The following PDE1C variants were observed in gnomAD, a reference collection of about 807,000 sequenced individuals.
PDE1C encodes the protein dual specificity calcium/calmodulin-dependent 3',5'-cyclic nucleotide phosphodiesterase 1C.
PDE1C carries 62 observed loss-of-function variants against 93.1 expected under a neutral mutation model. The observed-to-expected ratio is 0.67, with a 90% CI of 0.54 to 0.82. PDE1C has a LOEUF of 0.82. Ranked by LOEUF, PDE1C falls within the 40% of genes least tolerant of loss-of-function variation. The pLI is 0.00. For missense variants in PDE1C, 742 were observed against 884.6 expected (o/e 0.84, Z 2.04); for synonymous variants, 325 against 310.1 (o/e 1.05, Z -0.50).
chr7:32,240,118 G>T (rs953267124), intron 1 of PDE1C, among the ~76,000 whole-genome samples: 2 of 152,198 alleles, frequency 1.3e-5, no homozygotes, highest in African/African-American at 4.8e-5. Context: ...AAAGCTGTTT[G>T]TTACGGCAGC....
intron 2 of PDE1C, among the ~76,000 whole-genome samples, chr7:31,971,449 A>G (rs1488444117): frequency 6.6e-6 from 1 of 152,140 alleles, no homozygotes; most frequent in Non-Finnish European, 1.5e-5. Context: ...TCATCAATCA[A>G]ATGATGGGAG....
At chr7:32,078,928 A>T (rs925551937) in intron 3 of PDE1C, among the ~76,000 whole-genome samples, 5 of 88,950 alleles carry the variant, frequency 5.6e-5, no homozygotes, top group South Asian at 5.1e-4. Flanking sequence ...TCACTCTCTC[A>T]AAAAAAAAAA....
intron 2 of PDE1C, among the ~76,000 whole-genome samples, chr7:32,043,168 C>A (rs1029136184): frequency 2.0e-5 from 3 of 152,134 alleles, no homozygotes; most frequent in Non-Finnish European, 2.9e-5. Flanking sequence ...GCCCCTACAG[C>A]AAAAGCATCA....
intron 2 of PDE1C, among the ~76,000 whole-genome samples, chr7:32,003,816 G>C (rs571146057): frequency 2.4e-3 from 370 of 152,298 alleles, no homozygotes; most frequent in African/African-American, 8.5e-3. Flanking sequence ...GCTACTGAAG[G>C]AAAGAAGATA....
At chr7:31,741,398 T>A in the PDE1C span, among the ~76,000 whole-genome samples, 1 of 152,202 alleles carries the variant, frequency 6.6e-6, no homozygotes, top group Non-Finnish European at 1.5e-5. Flanking sequence ...TAACTGTTCC[T>A]ATTCTAAAAT....
intron 2 of PDE1C, among the ~76,000 whole-genome samples, chr7:31,930,224 T>C (rs1804000428): frequency 6.6e-6 from 1 of 151,926 alleles, no homozygotes; most frequent in Non-Finnish European, 1.5e-5. Context: ...AGGAAGTCCC[T>C]GAATAGACCA....
chr7:31,678,900 A>C, the PDE1C span, among the ~76,000 whole-genome samples: 1 of 152,170 alleles, frequency 6.6e-6, no homozygotes, highest in Non-Finnish European at 1.5e-5. Context: ...GTGAGCCTTG[A>C]TTCTTGTTAC....
intron 3 of PDE1C, among the ~76,000 whole-genome samples, chr7:32,126,205 A>ATAGG (rs1410450668): frequency 8.2e-6 from 1 of 121,360 alleles, no homozygotes; most frequent in Non-Finnish European, 1.7e-5. Flanking sequence ...ACTATTCTAG[A>ATAGG]TAGATAGATA....
intron 1 of PDE1C, among the ~76,000 whole-genome samples, chr7:32,276,522 G>GTGGGGCTGGGTGAC (rs1361671435): frequency 1.3e-5 from 2 of 152,180 alleles, no homozygotes; most frequent in Non-Finnish European, 2.9e-5. Context: ...GGATCTAGGA[G>GTGGGGCTGGGTGAC]TGGGGCTGGG....
chr7:31,717,301 C>A, the PDE1C span, among the ~76,000 whole-genome samples: 1 of 152,170 alleles, frequency 6.6e-6, no homozygotes, highest in Admixed American at 6.5e-5. Flanking sequence ...TAAAAATTTT[C>A]AAGATCACAG....
chr7:32,008,283 T>C (rs1273357497), intron 2 of PDE1C, among the ~76,000 whole-genome samples: 1 of 152,180 alleles, frequency 6.6e-6, no homozygotes, highest in Non-Finnish European at 1.5e-5. Context: ...CTTGACTGCC[T>C]CCCATTTTCA....
chr7:31,794,109 T>TAGATAGATA (rs1784991128), intron 16 of PDE1C, among the ~76,000 whole-genome samples: 3 of 148,970 alleles, frequency 2.0e-5, no homozygotes, highest in Non-Finnish European at 3.0e-5. Context: ...GACAGATAGA[T>TAGATAGATA]GGGCAGGCGG....
At chr7:31,773,076 T>C (rs973154679) in intron 17 of PDE1C, among the ~76,000 whole-genome samples, 10 of 152,358 alleles carry the variant, frequency 6.6e-5, no homozygotes, top group South Asian at 2.1e-4. Flanking sequence ...CCTCAGGATG[T>C]GAAGCACAGC....
chr7:32,315,887 C>T lies in PDE1C; in HGVS notation c.311-106348G>A, dbSNP rs538034996. ...GTGCATATCTGTAATCCCAGGTGCTCGGGAGGCTAAGGTGGGAGAATTGCT... is the reference window on the plus strand; with the variant it reads ...GTGCATATCTGTAATCCCAGGTGCTTGGGAGGCTAAGGTGGGAGAATTGCT... On this transcript the variant is annotated intron_variant, in intron 1 of 1. Coordinates refer to the PDE1C transcript ENST00000672256. Among the ~76,000 whole-genome samples the T allele has an allele frequency of 3.3e-5, 5 of 152,182 alleles. No individual in the cohort carries two copies. In the East Asian group the frequency reaches 5.8e-4, roughly 18 times the overall value.
chr7:32,383,591 G>A (rs1329057906), intron 1 of PDE1C, among the ~76,000 whole-genome samples: 1 of 152,254 alleles, frequency 6.6e-6, no homozygotes, highest in Non-Finnish European at 1.5e-5. Context: ...CTATGTTAGA[G>A]ACAGTTGCCT....
At chr7:31,649,972 C>T in the PDE1C span, among the ~76,000 whole-genome samples, 1 of 152,110 alleles carries the variant, frequency 6.6e-6, no homozygotes, top group Non-Finnish European at 1.5e-5. Context: ...AGAGTAGGGG[C>T]TCAGTAGAGT....
chr7:31,834,156 C>T (rs184285161), intron 11 of PDE1C, among the ~76,000 whole-genome samples: 167 of 152,322 alleles, frequency 1.1e-3, no homozygotes, highest in African/African-American at 3.6e-3. Context: ...TGGGAACCTC[C>T]GCCTAGATTT....
intron 1 of PDE1C, among the ~76,000 whole-genome samples, chr7:32,058,887 A>G (rs1433931608): frequency 6.6e-6 from 1 of 152,110 alleles, no homozygotes; most frequent in Admixed American, 6.5e-5. Flanking sequence ...ATGAAATTCC[A>G]TGTGCACAAT....
In PDE1C at chr7:32,047,130, A is replaced by C. The variant is rs568821019; in HGVS notation, c.128+4424T>G. Among the ~76,000 whole-genome samples, 17 of 151,526 alleles carry C rather than the reference A, an allele frequency of 1.1e-4. No individual in the cohort carries two copies. In the East Asian group the frequency reaches 3.3e-3, roughly 29 times the overall value. On this transcript the variant is annotated intron_variant, in intron 2 of 17. Transcript: ENST00000396191. ...TATCATAGATTCAGCTTGCAACATC[A>C]GCTCTGATAGCAATTCCTTTCTTCA...
Sources: allele counts gnomAD v4.1 joint callset (sites outside exome capture counted in the v4.1 genomes callset), GRCh38; gene constraint gnomAD v4.1.1; transcripts MANE v1.5; gene names NCBI Gene and HGNC (gene_info 2026-07-23, HGNC 2026-07-21).